Variants in PARD3 observed in about 807,000 individuals in gnomAD.
PARD3 encodes par-3 family cell polarity regulator, also known as partitioning defective 3 homolog.
In PARD3, 75 loss-of-function variants were observed where a neutral mutation model predicts 155.4. The observed-to-expected ratio is 0.48, with a 90% CI of 0.40 to 0.58. The LOEUF (loss-of-function observed/expected upper bound fraction) is 0.58, where lower values mean the gene tolerates loss of function less well. PARD3 is among the 20% of genes least tolerant of loss of function. The probability of loss-of-function intolerance (pLI) is 0.00; values close to 1 mark genes in which losing one functional copy is unlikely to be tolerated. For synonymous variants in PARD3, 576 were observed against 610.5 expected, an observed-to-expected ratio of 0.94 and a Z score of 0.83; for missense variants, 1,642 against 1,721.7, an observed-to-expected ratio of 0.95 and a Z score of 0.82.
At chr10:34,327,730 A>G (rs1835182395) in intron 19 of PARD3, among the ~76,000 whole-genome samples, 1 of 152,188 alleles carries the variant, frequency 6.6e-6, no homozygotes, top group South Asian at 2.1e-4. Flanking sequence ...CCCATGTGAC[A>G]AAAAGACCAT....
At chr10:34,238,002 T>C (rs764503266) in intron 22 of PARD3, among the ~76,000 whole-genome samples, 14 of 152,126 alleles carry the variant, frequency 9.2e-5, no homozygotes, top group Non-Finnish European at 1.2e-4. Context: ...CAGCAGCCAA[T>C]AGGAAAATCT....
At chr10:34,733,843 C>G (rs962590829) in intron 1 of PARD3, among the ~76,000 whole-genome samples, 1 of 151,946 alleles carries the variant, frequency 6.6e-6, no homozygotes, top group African/African-American at 2.4e-5. Context: ...AAAGCAGACT[C>G]AAAATTAATA....
At chr10:34,562,706 G>A (rs1453647966) in intron 2 of PARD3, among the ~76,000 whole-genome samples, 1 of 152,008 alleles carries the variant, frequency 6.6e-6, no homozygotes. Context: ...TCTGGAGAGA[G>A]GAGAGGAAGA....
chr10:34,810,930 A>G (rs1844070872), intron 1 of PARD3, among the ~76,000 whole-genome samples: 1 of 152,090 alleles, frequency 6.6e-6, no homozygotes, highest in Admixed American at 6.6e-5. Context: ...AACCCAATAC[A>G]AAGCTCCCCT....
intron 5 of PARD3, among the ~76,000 whole-genome samples, chr10:34,431,767 A>G (rs915539223): frequency 1.7e-4 from 14 of 84,286 alleles, no homozygotes; most frequent in African/African-American, 5.8e-4. Flanking sequence ...AAAAAAAAAA[A>G]TGCCGGGTAT....
At chr10:34,661,589 G>A (rs749488913) in intron 2 of PARD3, among the ~76,000 whole-genome samples, 5 of 152,160 alleles carry the variant, frequency 3.3e-5, no homozygotes, top group Non-Finnish European at 5.9e-5. Flanking sequence ...TAGTAGAGCC[G>A]GATGTTTTAT....
At chr10:34,291,538 A>G (rs1956674235) in intron 20 of PARD3, among the ~76,000 whole-genome samples, 1 of 152,200 alleles carries the variant, frequency 6.6e-6, no homozygotes, top group Non-Finnish European at 1.5e-5. Flanking sequence ...CCAGCATGCA[A>G]GACAGGTGTT....
chr10:34,530,655 T>A (rs1359130279), intron 2 of PARD3, among the ~76,000 whole-genome samples: 2 of 152,208 alleles, frequency 1.3e-5, no homozygotes, highest in African/African-American at 4.8e-5. Context: ...GACCCAGTTG[T>A]CTCCAGCAAG....
chr10:34,752,089 T>C (rs1836109561), intron 1 of PARD3, among the ~76,000 whole-genome samples: 2 of 152,194 alleles, frequency 1.3e-5, no homozygotes, highest in East Asian at 1.9e-4. Context: ...CAGTACATGA[T>C]AATTTAGTCA....
At chr10:34,235,789 T>C (rs1953195108) in intron 22 of PARD3, among the ~76,000 whole-genome samples, 1 of 152,200 alleles carries the variant, frequency 6.6e-6, no homozygotes. Flanking sequence ...TGCATGTCTT[T>C]TATATTTTAC....
intron 2 of PARD3, among the ~76,000 whole-genome samples, chr10:34,555,996 G>T (rs2084949423): frequency 6.6e-6 from 1 of 152,172 alleles, no homozygotes; most frequent in African/African-American, 2.4e-5. Flanking sequence ...TCTACTTGTG[G>T]CTAGAACTAT....
chr10:34,807,268 G>C lies in PARD3; in HGVS notation c.120+7608C>G, dbSNP rs1307667152. ...CCAGTTTTCATTTGAAGTGTTTTGA[G>C]CATCTCTGATACACATATATATGTC... On this transcript the variant is annotated intron_variant, in intron 1 of 24. Transcript: ENST00000374788. Among the ~76,000 whole-genome samples, 7 of 152,274 alleles carry C rather than the reference G, an allele frequency of 4.6e-5. No individual in the cohort carries two copies. In the East Asian group the frequency reaches 5.8e-4, roughly 13 times the overall value.
rs1007851441 is a variant in PARD3 at position 34,115,855 on chromosome 10, C to T, written c.3668+3758G>A. On this transcript the variant is annotated intron_variant, in intron 24 of 24. Transcript: ENST00000374788. ...AGCCTCCCGAGTAGCTGGGACTACA[C>T]GCGCCCACCACCAAGCCTGGCTAAT... Among the ~76,000 whole-genome samples, 5 of 151,722 alleles carry T rather than the reference C, an allele frequency of 3.3e-5. No homozygotes were observed. In the South Asian group the frequency reaches 6.2e-4, roughly 19 times the overall value.
In PARD3 at chr10:34,193,792, C is replaced by T. The variant is rs146181786; in HGVS notation, c.3420-62209G>A. 1.8e-4 allele frequency among the ~76,000 whole-genome samples: 28 copies of T among 152,244 alleles called. No homozygotes were observed. The East Asian group carries it at 5.2e-3, about 28-fold the overall frequency. On this transcript the variant is annotated intron_variant, in intron 22 of 24. Transcript: ENST00000374788. The stretch of plus-strand genomic sequence containing the variant: ...GCTCTAAGTGAAGCTGGAGGACCAG[C>T]GTGGGCCACCCTTTATGAGAGAAAA...
intron 3 of PARD3, among the ~76,000 whole-genome samples, chr10:34,492,909 T>C (rs1444556200): frequency 1.3e-5 from 2 of 152,252 alleles, no homozygotes; most frequent in Non-Finnish European, 2.9e-5. Flanking sequence ...AAAGCGTTTT[T>C]CTGATAATTC....
rs1005316489 is a variant in PARD3 at position 34,737,645 on chromosome 10, G to GC, written c.121-41227dup. ...GATTAGCCTTAGAAAAGGGCCCTCG[G>GC]CTCCCCCACCACGTGAGTGCTCAGC... On this transcript the variant is annotated intron_variant, in intron 1 of 24. Transcript: ENST00000374788. 4.9e-4 allele frequency among the ~76,000 whole-genome samples: 75 copies of GC among 152,168 alleles called. 1 individual carries two copies. The highest frequency in any genetic ancestry group is 1.7e-3 in the African/African-American group (71 of 41,530).
intron 22 of PARD3, among the ~76,000 whole-genome samples, chr10:34,266,826 CAG>C (rs1163471675): frequency 1.3e-5 from 2 of 152,182 alleles, no homozygotes; most frequent in Non-Finnish European, 2.9e-5. Context: ...AGTCCAGAAA[CAG>C]AGGCTGTTCT....
chr10:34,459,662 C>A (rs142527321), intron 4 of PARD3, among the ~76,000 whole-genome samples: 59 of 152,174 alleles, frequency 3.9e-4, no homozygotes, highest in African/African-American at 1.3e-3. Context: ...CAGTCTTATA[C>A]ATTATTTAGA....
At chr10:34,279,841 A>G (rs1297616714) in intron 21 of PARD3, among the ~76,000 whole-genome samples, 14 of 152,208 alleles carry the variant, frequency 9.2e-5, no homozygotes, top group Non-Finnish European at 1.5e-4. Context: ...ACATTGAATA[A>G]TGGAAAGTTT....
Sources: allele counts gnomAD v4.1 joint callset (sites outside exome capture counted in the v4.1 genomes callset), GRCh38; gene constraint gnomAD v4.1.1; transcripts MANE v1.5; gene names NCBI Gene and HGNC (gene_info 2026-07-23, HGNC 2026-07-21).